Variants in RNPC3 observed in about 807,000 individuals in gnomAD.
RNPC3 encodes RNA-binding region-containing protein 3.
A neutral mutation model predicts 67.5 loss-of-function variants in RNPC3; 48 were observed. That is an observed-to-expected ratio of 0.71 (90% CI 0.56 to 0.90). RNPC3 has a LOEUF of 0.90. Ranked by LOEUF, RNPC3 falls within the 40% of genes least tolerant of loss-of-function variation. RNPC3 has a pLI of 0.00. For missense variants in RNPC3, 637 were observed against 626.1 expected, an observed-to-expected ratio of 1.02 and a Z score of -0.19; for synonymous variants, 239 against 210.3, an observed-to-expected ratio of 1.14 and a Z score of -1.18.
At chr1:103,543,090 G>A (rs1036237638) in intron 8 of RNPC3, among the ~76,000 whole-genome samples, 4 of 151,748 alleles carry the variant, frequency 2.6e-5, no homozygotes, top group Non-Finnish European at 4.4e-5. Flanking sequence ...CTTTTTATGT[G>A]TAAACTAATA....
intron 8 of RNPC3, 132 bp from the exon 9 acceptor site, chr1:103,543,164 T>C (rs1651165631): frequency 1.8e-6 from 1 of 555,812 alleles, no homozygotes; most frequent in Non-Finnish European, 2.8e-6. Context: ...GTCACTCACT[T>C]TATTGAATAT....
intron 11 of RNPC3, chr1:103,546,661 G>T: frequency 3.1e-6 from 1 of 327,196 alleles, no homozygotes; most frequent in Admixed American, 4.8e-5. Context: ...TGGCAGGATT[G>T]GTTCATTCTG....
intron 13 of RNPC3, 87 bp from the exon 14 acceptor site, chr1:103,551,634 C>G (rs1452003146): frequency 1.2e-6 from 1 of 800,236 alleles, no homozygotes; most frequent in Non-Finnish European, 2.0e-6. Flanking sequence ...AAACCATACT[C>G]CCACCATACA....
intron 2 of RNPC3, among the ~76,000 whole-genome samples, chr1:103,530,102 G>A (rs1015710328): frequency 7.3e-6 from 1 of 137,576 alleles, no homozygotes; most frequent in Non-Finnish European, 1.5e-5. Context: ...GCACAAAACC[G>A]GTCTCTGGTT....
intron 5 of RNPC3, 52 bp from the exon 6 acceptor site, chr1:103,536,074 G>T (rs576685381): frequency 3.8e-6 from 5 of 1,308,812 alleles, no homozygotes; most frequent in Non-Finnish European, 1.1e-6. Context: ...TAAAATACAA[G>T]ATGTGAGTTG....
At chr1:103,539,414 TAAA>T (rs1403864457) in intron 7 of RNPC3, among the ~76,000 whole-genome samples, 1 of 152,222 alleles carries the variant, frequency 6.6e-6, no homozygotes, top group African/African-American at 2.4e-5. Flanking sequence ...CTATCTGTCT[TAAA>T]AAGAGACATT....
At chr1:103,533,692 T>G in intron 2 of RNPC3, 47 bp from the exon 3 acceptor site, 1 of 1,048,714 alleles carries the variant, frequency 9.5e-7, no homozygotes, top group Non-Finnish European at 1.4e-6. Flanking sequence ...TAACGAATCA[T>G]TTTTGGTACA....
At chr1:103,532,710 C>A (rs530779638) in intron 2 of RNPC3, among the ~76,000 whole-genome samples, 14 of 152,086 alleles carry the variant, frequency 9.2e-5, no homozygotes, top group Non-Finnish European at 1.8e-4. Flanking sequence ...TGTATGAAGT[C>A]TTGAAGCCAA....
rs1367487752 is a variant in RNPC3, at chr1:103,535,427, A to G, written c.541A>G (p.Lys181Glu). ...TGTAAATGCCTTGGCAAGCGTGCCT[A>G]AGTTCTATGTACAGGTAAGTAGAAT... ...NIVNALASVP[K>E]FYVQVLHLMN... The change falls in exon 5 of 15, where the codon AAG (lysine) becomes GAG (glutamate). Residue 181 changes from lysine to glutamate, a missense_variant. By Grantham distance (56) the Lys-to-Glu change is moderately conservative. Transcript: ENST00000423855. 2.0e-6 allele frequency: 3 copies of G among 1,533,276 alleles called. No homozygotes were observed. The highest frequency in any genetic ancestry group is 2.4e-5 in the East Asian group (1 of 40,820). 95.0% of individuals were successfully genotyped at this position (1,533,276 alleles called of 1,614,324 possible).
intron 12 of RNPC3, among the ~76,000 whole-genome samples, chr1:103,547,514 G>A (rs1305037953): frequency 6.6e-6 from 1 of 152,138 alleles, no homozygotes; most frequent in East Asian, 1.9e-4. Context: ...AGGTTTCATG[G>A]GTAGGACTCA....
chr1:103,542,937 A>C (rs1651158601), intron 8 of RNPC3, among the ~76,000 whole-genome samples: 1 of 151,790 alleles, frequency 6.6e-6, no homozygotes. Flanking sequence ...TATTATATAG[A>C]TATGTTTAAA....
chr1:103,545,317 A>G lies in RNPC3; in HGVS notation c.1207+215A>G, dbSNP rs2101050519. On this transcript the variant is annotated intron_variant, in intron 10 of 14. Coordinates refer to ENST00000423855, the MANE Select transcript of RNPC3 (RefSeq NM_017619.4). ...CCTTTCCATACAGTGTTTCCAGTCT[A>G]TATTTAGGAAAAAATTTTGTTTTCA... The G allele has an allele frequency of 1.1e-5, 4 of 365,870 alleles. No homozygotes were observed. The South Asian group carries it at 1.6e-4, about 14-fold the overall frequency. The allele number at this position is 365,870 out of a possible 1,614,324, so 22.7% of individuals were successfully genotyped here. A position where few individuals can be genotyped will look rare whatever the true frequency, so the allele number is the denominator to read the frequency against.
In RNPC3 at chr1:103,555,220, T is replaced by C. The variant is rs1291161676; in HGVS notation, c.*199T>C. The C allele has an allele frequency of 6.6e-6, 1 of 152,004 alleles. No homozygotes were observed. Among genetic ancestry groups the C allele is most frequent in the South Asian group, 2.1e-4 (1 of 4,834 alleles). 9.4% of individuals were successfully genotyped at this position (152,004 alleles called of 1,614,324 possible). ...AATGATTTTCCTCAAATATAATAAA[T>C]TGTTTCCTTTCCAATAAAATAGTGT... is the stretch of plus-strand genomic sequence containing the variant. On this transcript the variant is annotated 3_prime_UTR_variant, in exon 15 of 15. Transcript: ENST00000423855.
chr1:103,552,348 C>G (rs1651412510), intron 14 of RNPC3: 1 of 151,874 alleles, frequency 6.6e-6, no homozygotes, highest in Non-Finnish European at 1.5e-5. Context: ...GGCATCTTAT[C>G]CAGAGACCAC....
chr1:103,549,136 G>C (rs1651319256), intron 12 of RNPC3, among the ~76,000 whole-genome samples: 1 of 152,060 alleles, frequency 6.6e-6, no homozygotes, highest in Non-Finnish European at 1.5e-5. Flanking sequence ...AACCATATCA[G>C]CTAATGTTTG....
At chr1:103,527,610 C>A in intron 1 of RNPC3, 85 bp from the exon 2 acceptor site, 2 of 943,514 alleles carry the variant, frequency 2.1e-6, no homozygotes, top group Non-Finnish European at 3.3e-6. Flanking sequence ...TAACATGTCA[C>A]ATTACTCCAC....
At chr1:103,537,736 C>T (rs903666459) in intron 7 of RNPC3, among the ~76,000 whole-genome samples, 3 of 152,040 alleles carry the variant, frequency 2.0e-5, no homozygotes, top group Admixed American at 6.6e-5. Context: ...TTATAAAGTA[C>T]GTTCGAGCCT....
At position 103,537,361 on chromosome 1, in the gene RNPC3, T is replaced by C. The variant is rs1415617640; in HGVS notation, c.644T>C (p.Leu215Ser). 6 of 1,535,322 alleles carry C rather than the reference T, an allele frequency of 3.9e-6. No homozygotes were observed. The South Asian group carries it at 7.2e-5, about 18-fold the overall frequency. Residue 215 changes from leucine to serine, a missense_variant, in exon 7 of 15, where the codon TTG becomes TCG. Coordinates refer to ENST00000423855, the MANE Select transcript of RNPC3 (RefSeq NM_017619.4). ...RPPMYEDYMP[L>S]HAPLPPTSPQ... ...AATTAGTATGAAGACTATATGCCAT[T>C]GCATGCACCTCTTCCACCCACATCT...
intron 2 of RNPC3, 35 bp downstream of exon 2, chr1:103,527,777 A>T: frequency 7.0e-7 from 1 of 1,431,602 alleles, no homozygotes; most frequent in East Asian, 2.5e-5. Context: ...AGTTGTCAAC[A>T]GGATCCTCTT....
Sources: gnomAD v4.1 joint callset for allele counts (sites outside exome capture counted in the v4.1 genomes callset) on GRCh38, gnomAD v4.1.1 for gene constraint, MANE v1.5 for transcripts, NCBI Gene and HGNC (gene_info 2026-07-23, HGNC 2026-07-21) for gene names.